The following NF1 variants were observed in gnomAD, a reference collection of about 807,000 sequenced individuals.
NF1 encodes neurofibromin 1.
Under a neutral mutation model 325.7 loss-of-function variants are expected in NF1, and 122 were observed. That is an observed-to-expected ratio of 0.37 (90% confidence interval 0.32 to 0.44). The LOEUF (loss-of-function observed/expected upper bound fraction) is 0.44, where lower values mean the gene tolerates loss of function less well. NF1 is among the 20% of genes least tolerant of loss of function. NF1 has a pLI of 1.00. For missense variants in NF1, 2,140 were observed against 3,415.4 expected, an observed-to-expected ratio of 0.63 and a Z score of 9.31; for synonymous variants, 1,091 against 1,186.0, an observed-to-expected ratio of 0.92 and a Z score of 1.65.
At chr17:31,372,088 G>A (rs2070653015) in intron 57 of NF1, among the ~76,000 whole-genome samples, 1 of 151,966 alleles carries the variant, frequency 6.6e-6, no homozygotes, top group South Asian at 2.1e-4. Context: ...ATTACTTTTT[G>A]TCCAAAAATG....
intron 13 of NF1, among the ~76,000 whole-genome samples, chr17:31,215,095 A>G (rs1354269559): frequency 6.6e-6 from 1 of 152,184 alleles, no homozygotes; most frequent in Non-Finnish European, 1.5e-5. Context: ...GGGTGTGGTT[A>G]GTACTTGAGT....
At chr17:31,191,881 A>G (rs2066348082) in intron 8 of NF1, among the ~76,000 whole-genome samples, 1 of 152,174 alleles carries the variant, frequency 6.6e-6, no homozygotes, top group African/African-American at 2.4e-5. Context: ...AAAACAGTTC[A>G]TATGTTTCTT....
chr17:31,117,239 C>G, intron 1 of NF1, among the ~76,000 whole-genome samples: 1 of 152,016 alleles, frequency 6.6e-6, no homozygotes, highest in East Asian at 1.9e-4. Flanking sequence ...CCTCAGCCTC[C>G]CAGAGTGCTG....
chr17:31,343,493 C>T (rs1036804789), intron 48 of NF1, among the ~76,000 whole-genome samples: 5 of 151,990 alleles, frequency 3.3e-5, no homozygotes, highest in African/African-American at 4.8e-5. Flanking sequence ...TACAGTGAGC[C>T]GTGATCACAC....
rs1326271533 is a variant in NF1, at chr17:31,313,871, T to C, written c.4836-11949T>C. The C allele has an allele frequency of 8.2e-5, 32 of 392,260 alleles. No individual in the cohort carries two copies. In the East Asian group the frequency reaches 1.0e-3, roughly 12 times the overall value. 24.3% of individuals were successfully genotyped at this position (392,260 alleles called of 1,614,324 possible). ...GCAACAAAACCACAAAAACCTGTTA[T>C]AGACATCTTTAGACTATCAGAGTTT... On this transcript the variant is annotated intron_variant, in intron 36 of 57. Transcript: ENST00000358273.
At chr17:31,304,689 C>G (rs2068661005) in intron 36 of NF1, 1 of 1,614,106 alleles carries the variant, frequency 6.2e-7, no homozygotes, top group African/African-American at 1.3e-5. Flanking sequence ...CTTTTATTTT[C>G]TCTGTTTTGG....
chr17:31,342,966 A>G (rs752644687), intron 47 of NF1, 43 bp from the exon 48 acceptor site: 7 of 1,612,402 alleles, frequency 4.3e-6, no homozygotes, highest in Middle Eastern at 1.7e-4. Flanking sequence ...AAAGAAAGCT[A>G]CTGTGTGAAC....
intron 1 of NF1, among the ~76,000 whole-genome samples, chr17:31,125,816 G>A (rs1451846767): frequency 1.3e-5 from 2 of 152,302 alleles, no homozygotes; most frequent in South Asian, 2.1e-4. Flanking sequence ...GATTACAGGC[G>A]TGAGCCACTG....
At chr17:31,117,782 C>A (rs529860442) in intron 1 of NF1, among the ~76,000 whole-genome samples, 25 of 147,272 alleles carry the variant, frequency 1.7e-4, no homozygotes, top group South Asian at 1.4e-3. Context: ...ATCTTCCATG[C>A]TCTTGAAGAG....
At position 31,376,697 on chromosome 17, in the gene NF1, C is replaced by T. The variant is rs1005095200; in HGVS notation, c.*2542C>T. 3.4e-5 allele frequency: 8 copies of T among 232,918 alleles called. No individual in the cohort carries two copies. Among genetic ancestry groups the T allele is most frequent in the African/African-American group, 1.8e-4 (8 of 45,232 alleles). The allele number at this position is 232,918 out of a possible 1,614,324, so 14.4% of individuals were successfully genotyped here. ...CATTTCTGCGTAATTGACATAAGTT[C>T]TGTTAAAAATATTATAAGTAATTCG... On this transcript the variant is annotated 3_prime_UTR_variant, in exon 58 of 58. Coordinates refer to ENST00000358273, the MANE Select transcript of NF1 (RefSeq NM_001042492.3).
chr17:31,226,247 A>G (rs1376683283), intron 17 of NF1, among the ~76,000 whole-genome samples, 188 bp from the exon 18 acceptor site: 1 of 151,552 alleles, frequency 6.6e-6, no homozygotes, highest in Non-Finnish European at 1.5e-5. Flanking sequence ...CATTTGGACA[A>G]GATATTTTGG....
chr17:31,163,672 T>A (rs967712136), intron 4 of NF1, among the ~76,000 whole-genome samples: 2 of 152,218 alleles, frequency 1.3e-5, no homozygotes, highest in African/African-American at 4.8e-5. Context: ...AGCACTGTTA[T>A]GAATGTGAAA....
intron 29 of NF1, among the ~76,000 whole-genome samples, chr17:31,242,303 C>CTTTT (rs1354000708): frequency 1.1e-5 from 1 of 94,254 alleles, no homozygotes; most frequent in African/African-American, 5.0e-5. Flanking sequence ...TTCATAAGTT[C>CTTTT]TCTTTTTTTT....
chr17:31,159,285 G>A (rs2065722099), intron 3 of NF1, among the ~76,000 whole-genome samples, 192 bp downstream of exon 3: 1 of 152,046 alleles, frequency 6.6e-6, no homozygotes, highest in Non-Finnish European at 1.5e-5. Flanking sequence ...CTCATCTTTT[G>A]TAAATTAAAC....
intron 11 of NF1, 104 bp from the exon 12 acceptor site, chr17:31,206,136 A>G: frequency 2.3e-6 from 3 of 1,328,112 alleles, no homozygotes; most frequent in Non-Finnish European, 3.2e-6. Context: ...GGTCTTAGAA[A>G]GTTCCCGACA....
At chr17:31,195,148 T>G (rs2143846738) in intron 8 of NF1, among the ~76,000 whole-genome samples, 1 of 152,262 alleles carries the variant, frequency 6.6e-6, no homozygotes, top group South Asian at 2.1e-4. Flanking sequence ...TAAATTGACA[T>G]AATGGAAATT....
chr17:31,200,960 T>C (rs561061383), intron 9 of NF1, 77 bp from the exon 10 acceptor site: 3 of 1,591,104 alleles, frequency 1.9e-6, no homozygotes, highest in Admixed American at 1.7e-5. Flanking sequence ...GGGTAATGTG[T>C]TGATGTTATT....
chr17:31,170,130 T>C, intron 5 of NF1, 133 bp downstream of exon 5: 1 of 653,908 alleles, frequency 1.5e-6, no homozygotes, highest in African/African-American at 1.8e-5. Flanking sequence ...CCTTGTGAAA[T>C]AACCAGTAAT....
Position 31,260,658 on chromosome 17 carries a change from C to A in NF1, c.4577+143C>A. 3.8e-6 allele frequency: 4 copies of A among 1,054,286 alleles called. No homozygotes were observed. In the South Asian group the frequency reaches 4.3e-5, roughly 11 times the overall value. 65.3% of individuals were successfully genotyped at this position (1,054,286 alleles called of 1,614,324 possible). A position where few individuals can be genotyped will look rare whatever the true frequency, so the allele number is the denominator to read the frequency against. On this transcript the variant is annotated intron_variant, in intron 34 of 57. Transcript: ENST00000358273. ...TTAGAAAGAGAAAGATTCTTTTTTT[C>A]AAAAAAATACAAACAAAAGGTTAAG...
Sources: allele counts gnomAD v4.1 joint callset (sites outside exome capture counted in the v4.1 genomes callset), GRCh38; gene constraint gnomAD v4.1.1; transcripts MANE v1.5; gene names NCBI Gene and HGNC (gene_info 2026-07-23, HGNC 2026-07-21).